The following HDAC9 variants were observed in gnomAD, a reference collection of about 807,000 sequenced individuals.
HDAC9 encodes the protein histone deacetylase 9.
Under a neutral mutation model 139.4 loss-of-function variants are expected in HDAC9, and 41 were observed. The observed-to-expected ratio is 0.29, with a 90% CI of 0.23 to 0.38. The LOEUF is 0.38. Ranked by LOEUF, HDAC9 falls within the 10% of genes least tolerant of loss-of-function variation. The probability of loss-of-function intolerance (pLI) is 1.00; values close to 1 mark genes in which losing one functional copy is unlikely to be tolerated. For missense variants in HDAC9, 1,147 were observed against 1,297.0 expected (o/e 0.88, Z 1.78); for synonymous variants, 517 against 476.2 (o/e 1.09, Z -1.12).
At chr7:18,632,322 A>G (rs565679674) in intron 7 of HDAC9, among the ~76,000 whole-genome samples, 16 of 152,220 alleles carry the variant, frequency 1.1e-4, no homozygotes, top group Middle Eastern at 3.4e-3. Flanking sequence ...AATAAGTGGC[A>G]GGATTAGAAT....
intron 2 of HDAC9, among the ~76,000 whole-genome samples, chr7:18,199,063 T>G (rs1475768000): frequency 6.6e-6 from 1 of 152,140 alleles, no homozygotes; most frequent in African/African-American, 2.4e-5. Flanking sequence ...AAAGTGCTGA[T>G]TTTGCTTTTT....
At chr7:18,261,899 A>G (rs539045101) in intron 2 of HDAC9, among the ~76,000 whole-genome samples, 32 of 152,346 alleles carry the variant, frequency 2.1e-4, no homozygotes, top group South Asian at 1.2e-3. Context: ...CTCTCTTTCA[A>G]TTCATTTTAA....
At chr7:18,510,537 TTAA>T (rs945097620) in intron 2 of HDAC9, among the ~76,000 whole-genome samples, 3 of 152,152 alleles carry the variant, frequency 2.0e-5, no homozygotes, top group African/African-American at 7.2e-5. Context: ...GATTTTTCTG[TTAA>T]TAATAATATC....
intron 17 of HDAC9, among the ~76,000 whole-genome samples, chr7:18,821,050 T>C (rs1260984375): frequency 6.6e-6 from 1 of 152,210 alleles, no homozygotes; most frequent in Non-Finnish European, 1.5e-5. Flanking sequence ...GGTCTTTCTC[T>C]GCCTCCAAAA....
intron 2 of HDAC9, among the ~76,000 whole-genome samples, chr7:18,551,353 T>C (rs1004957117): frequency 6.6e-6 from 1 of 152,208 alleles, no homozygotes; most frequent in African/African-American, 2.4e-5. Context: ...GATACATATC[T>C]GAGAGTTGCC....
intron 25 of HDAC9, among the ~76,000 whole-genome samples, chr7:18,980,034 G>A (rs1427767157): frequency 6.6e-6 from 1 of 152,076 alleles, no homozygotes; most frequent in Non-Finnish European, 1.5e-5. Flanking sequence ...TGTCAACAAA[G>A]CCTTAGCTGA....
intron 1 of HDAC9, among the ~76,000 whole-genome samples, chr7:18,295,841 A>G (rs111957417): frequency 6.6e-6 from 1 of 152,228 alleles, no homozygotes; most frequent in Middle Eastern, 3.4e-3. Context: ...ATCTAGGGGG[A>G]AGAGGCCAGG....
chr7:18,283,284 C>G (rs577278436), intron 2 of HDAC9, among the ~76,000 whole-genome samples: 8 of 152,238 alleles, frequency 5.3e-5, no homozygotes, highest in African/African-American at 1.9e-4. Flanking sequence ...CACTTTCAAA[C>G]AACCAGATCT....
At chr7:18,400,064 A>T (rs1787396694) in intron 1 of HDAC9, among the ~76,000 whole-genome samples, 1 of 152,168 alleles carries the variant, frequency 6.6e-6, no homozygotes, top group Non-Finnish European at 1.5e-5. Flanking sequence ...TGGAGAGGTT[A>T]TGGGTGAGTC....
intron 1 of HDAC9, among the ~76,000 whole-genome samples, chr7:18,123,353 C>T (rs772762256): frequency 1.2e-4 from 19 of 152,186 alleles, no homozygotes; most frequent in East Asian, 3.9e-4. Flanking sequence ...TGTAACCCCC[C>T]GATTTAAAAC....
At chr7:18,722,847 C>G (rs1015652646) in intron 12 of HDAC9, among the ~76,000 whole-genome samples, 1 of 152,030 alleles carries the variant, frequency 6.6e-6, no homozygotes, top group Admixed American at 6.6e-5. Context: ...AATGTTTGGC[C>G]CATCTCTGTT....
At chr7:18,456,242 G>A (rs1586037289) in intron 1 of HDAC9, among the ~76,000 whole-genome samples, 1 of 152,148 alleles carries the variant, frequency 6.6e-6, no homozygotes, top group East Asian at 1.9e-4. Context: ...TTGGTTGGTT[G>A]GTTGATTTTT....
At chr7:18,671,033 T>C (rs1415773207) in intron 12 of HDAC9, among the ~76,000 whole-genome samples, 1 of 151,958 alleles carries the variant, frequency 6.6e-6, no homozygotes, top group Non-Finnish European at 1.5e-5. Context: ...GGTTAACTTT[T>C]AGGGGAAGGA....
chr7:18,996,074 C>G lies in HDAC9; in HGVS notation c.*12C>G. 6.3e-7 allele frequency: 1 copy of G among 1,596,766 alleles called. No individual in the cohort carries two copies. The highest frequency in any genetic ancestry group is 1.1e-5 in the South Asian group (1 of 88,614). On this transcript the variant is annotated 3_prime_UTR_variant, in exon 26 of 26. Coordinates refer to ENST00000686413, the MANE Select transcript of HDAC9 (RefSeq NM_178425.4). ...AGCCAGCCTTGTGAAGTGCCAAGTCCCCCTCTGATATTTCCTGTGTGTGAC... is the reference window on the plus strand; with the variant it reads ...AGCCAGCCTTGTGAAGTGCCAAGTCGCCCTCTGATATTTCCTGTGTGTGAC...
intron 21 of HDAC9, among the ~76,000 whole-genome samples, chr7:18,843,933 A>G (rs1796747356): frequency 6.6e-6 from 1 of 152,192 alleles, no homozygotes; most frequent in Admixed American, 6.5e-5. Context: ...TTCAGATATT[A>G]CATCTGAGAT....
At chr7:18,474,572 A>G (rs1015591329) in intron 1 of HDAC9, among the ~76,000 whole-genome samples, 3 of 152,208 alleles carry the variant, frequency 2.0e-5, no homozygotes, top group African/African-American at 7.2e-5. Context: ...GTTTATTACC[A>G]AATTTTAAGA....
chr7:18,234,572 T>G (rs1293599821), intron 2 of HDAC9, among the ~76,000 whole-genome samples: 1 of 152,230 alleles, frequency 6.6e-6, no homozygotes, highest in Non-Finnish European at 1.5e-5. Context: ...TTTTGCAGAT[T>G]AGGAATCCGA....
intron 1 of HDAC9, among the ~76,000 whole-genome samples, chr7:18,411,767 A>G (rs1325579864): frequency 2.0e-5 from 3 of 150,712 alleles, no homozygotes; most frequent in Non-Finnish European, 4.4e-5. Context: ...GACTAGGCAA[A>G]GCTATGATGT....
At chr7:18,400,471 T>G (rs1309727449) in intron 1 of HDAC9, among the ~76,000 whole-genome samples, 4 of 152,178 alleles carry the variant, frequency 2.6e-5, no homozygotes, top group Non-Finnish European at 5.9e-5. Context: ...AACTGGGGGT[T>G]GGCAGTATTC....
Sources: allele counts gnomAD v4.1 joint callset (sites outside exome capture counted in the v4.1 genomes callset), GRCh38; gene constraint gnomAD v4.1.1; transcripts MANE v1.5; gene names NCBI Gene and HGNC (gene_info 2026-07-23, HGNC 2026-07-21).